Variants in FLACC1 observed in about 807,000 individuals in gnomAD.
FLACC1 encodes flagellum associated containing coiled-coil domains 1.
A neutral mutation model predicts 62.8 loss-of-function variants in FLACC1; 66 were observed. The observed-to-expected ratio is 1.05, with a 90% CI of 0.86 to 1.29. FLACC1 has a LOEUF of 1.29. FLACC1 is among the 50% of genes most tolerant of loss of function. FLACC1 has a pLI of 0.00. For synonymous variants in FLACC1, 156 were observed against 161.0 expected (o/e 0.97, Z 0.24); for missense variants, 452 against 489.1 (o/e 0.92, Z 0.71).
chr2:201,361,006 A>G (rs2125633043), upstream of FLACC1, among the ~76,000 whole-genome samples: 1 of 152,286 alleles, frequency 6.6e-6, no homozygotes, highest in East Asian at 1.9e-4. Context: ...CAAACCCAGG[A>G]GGCGGAGGTT....
chr2:201,288,873 G>A lies in FLACC1; in HGVS notation c.1143-92C>T, dbSNP rs144467275. 274 of 1,434,820 alleles carry A rather than the reference G, an allele frequency of 1.9e-4. 1 individual carries two copies. In the African/African-American group the frequency reaches 3.0e-3, roughly 16 times the overall value. The allele number at this position is 1,434,820 out of a possible 1,614,324, so 88.9% of individuals were successfully genotyped here. On this transcript the variant is annotated intron_variant, in intron 14 of 14. Transcript: ENST00000392257. Reference sequence around the variant, plus strand: ...AGTGCAGGGAGAGAAATGTGCCTTCGTTCCTTCACCACAGCAGTCTCTCAC... The same window carrying A: ...AGTGCAGGGAGAGAAATGTGCCTTCATTCCTTCACCACAGCAGTCTCTCAC...
chr2:201,307,122 C>G (rs890849713), intron 11 of FLACC1, among the ~76,000 whole-genome samples: 1 of 152,098 alleles, frequency 6.6e-6, no homozygotes, highest in African/African-American at 2.4e-5. Flanking sequence ...TAAGTTTTGG[C>G]AAGTTCCCAT....
chr2:201,313,549 G>T (rs958437469), intron 9 of FLACC1, among the ~76,000 whole-genome samples: 1 of 152,112 alleles, frequency 6.6e-6, no homozygotes, highest in Non-Finnish European at 1.5e-5. Flanking sequence ...CACAGCAGCT[G>T]CAGCAAGACT....
intron 5 of FLACC1, 91 bp from the exon 6 acceptor site, chr2:201,344,354 A>G: frequency 1.0e-6 from 1 of 987,912 alleles, no homozygotes; most frequent in East Asian, 2.9e-5. Context: ...GCATGGTGAG[A>G]GCTGGCCTGG....
chr2:201,352,774 C>T (rs1186271762), intron 1 of FLACC1, among the ~76,000 whole-genome samples: 1 of 152,172 alleles, frequency 6.6e-6, no homozygotes, highest in Non-Finnish European at 1.5e-5. Context: ...GAAAGTGTGA[C>T]TATGTTACCT....
intron 3 of FLACC1, among the ~76,000 whole-genome samples, chr2:201,350,043 G>C (rs572475325): frequency 6.6e-6 from 1 of 152,290 alleles, no homozygotes; most frequent in African/African-American, 2.4e-5. Flanking sequence ...CAGGTGAGAG[G>C]GAGATTATTT....
chr2:201,325,762 C>G (rs934604814), intron 9 of FLACC1, among the ~76,000 whole-genome samples: 4 of 152,136 alleles, frequency 2.6e-5, no homozygotes, highest in African/African-American at 9.7e-5. Context: ...AGAATTGGTA[C>G]AATCCTACTG....
rs550483239 is a variant in FLACC1 at position 201,341,505 on chromosome 2, CAT to C, written c.524+863_524+864del. ...TATATATACACTCACACTACACAAG[CAT>C]ATATATATAGGTAGAGTTTATATGT... On this transcript the variant is annotated intron_variant, in intron 7 of 14. Coordinates refer to ENST00000392257, the MANE Select transcript of FLACC1 (RefSeq NM_001127391.3). Among the ~76,000 whole-genome samples the C allele has an allele frequency of 2.6e-4, 39 of 148,776 alleles. 1 individual carries two copies. The highest frequency in any genetic ancestry group is 3.6e-3 in the Middle Eastern group (1 of 276).
chr2:201,313,219 T>C (rs1950248550), intron 9 of FLACC1, among the ~76,000 whole-genome samples: 1 of 152,102 alleles, frequency 6.6e-6, no homozygotes, highest in Non-Finnish European at 1.5e-5. Context: ...TGGCCAGAAC[T>C]TGGGGGAAGG....
At chr2:201,294,861 A>T (rs903921114) in intron 12 of FLACC1, among the ~76,000 whole-genome samples, 1 of 152,192 alleles carries the variant, frequency 6.6e-6, no homozygotes, top group African/African-American at 2.4e-5. Flanking sequence ...AATCACAAGC[A>T]TTCCTATACA....
intron 7 of FLACC1, among the ~76,000 whole-genome samples, chr2:201,335,798 T>C (rs539635949): frequency 1.3e-5 from 2 of 152,304 alleles, no homozygotes; most frequent in African/African-American, 4.8e-5. Context: ...ATTCTTCCAA[T>C]CCATGAACAT....
intron 12 of FLACC1, among the ~76,000 whole-genome samples, chr2:201,295,144 C>T (rs1385189470): frequency 6.6e-6 from 1 of 152,116 alleles, no homozygotes; most frequent in Middle Eastern, 3.2e-3. Flanking sequence ...ATTTTCTTCA[C>T]AGAATTGGAA....
upstream of FLACC1, among the ~76,000 whole-genome samples, chr2:201,359,197 C>T (rs1951163179): frequency 6.6e-6 from 1 of 152,130 alleles, no homozygotes; most frequent in Non-Finnish European, 1.5e-5. Flanking sequence ...CCAGCTCGAG[C>T]AATTGAGTTG....
chr2:201,309,683 CAGATCACA>C (rs1950176124), intron 9 of FLACC1, among the ~76,000 whole-genome samples: 1 of 151,752 alleles, frequency 6.6e-6, no homozygotes, highest in African/African-American at 2.4e-5. Flanking sequence ...TGGAGGCAGG[CAGATCACA>C]AGGTCAAGAG....
chr2:201,305,617 A>G (rs1165535497), intron 11 of FLACC1, among the ~76,000 whole-genome samples: 1 of 152,216 alleles, frequency 6.6e-6, no homozygotes, highest in Admixed American at 6.5e-5. Flanking sequence ...TCATGCTGCT[A>G]TAAAGACACA....
chr2:201,329,907 A>G (rs1431842080), intron 9 of FLACC1, among the ~76,000 whole-genome samples: 2 of 152,208 alleles, frequency 1.3e-5, no homozygotes, highest in African/African-American at 4.8e-5. Flanking sequence ...CTTTTGACCA[A>G]GCACTCTACT....
chr2:201,312,855 G>A lies in FLACC1; in HGVS notation c.676-3605C>T, dbSNP rs371244216. On this transcript the variant is annotated intron_variant, in intron 9 of 14. Coordinates refer to ENST00000392257, the MANE Select transcript of FLACC1 (RefSeq NM_001127391.3). ...CCTCTGAAGGAAGTGGATTGCTCCC[G>A]TAGGACCCGGGAGATGCCCCAAATA... Among the ~76,000 whole-genome samples, 22 of 152,302 alleles carry A rather than the reference G, an allele frequency of 1.4e-4. No individual in the cohort carries two copies. The East Asian group carries it at 1.7e-3, about 12-fold the overall frequency.
chr2:201,339,625 A>T (rs899546041), intron 7 of FLACC1, among the ~76,000 whole-genome samples: 2 of 151,710 alleles, frequency 1.3e-5, no homozygotes, highest in African/African-American at 4.8e-5. Flanking sequence ...GTTTCAAGAA[A>T]TTTTTTTTAT....
At chr2:201,362,540 A>T in the FLACC1 span, among the ~76,000 whole-genome samples, 2 of 152,160 alleles carry the variant, frequency 1.3e-5, no homozygotes, top group Admixed American at 1.3e-4. Context: ...GCTGATAAAA[A>T]TGAGTGAAGC....
Sources: gnomAD v4.1 joint callset for allele counts (sites outside exome capture counted in the v4.1 genomes callset) on GRCh38, gnomAD v4.1.1 for gene constraint, MANE v1.5 for transcripts, NCBI Gene and HGNC (gene_info 2026-07-23, HGNC 2026-07-21) for gene names.